The following TMEM114 variants were observed in gnomAD, a reference collection of about 807,000 sequenced individuals.
TMEM114 encodes the protein claudin-26.
In TMEM114, 6 loss-of-function variants were observed where a neutral mutation model predicts 6.2. That is an observed-to-expected ratio of 0.97 (90% confidence interval 0.53 to 1.91). The LOEUF is 1.91. Among genes scored for constraint, TMEM114 ranks in the 40% most tolerant of loss-of-function variants. The pLI is 0.01. For missense variants in TMEM114, 218 were observed against 158.3 expected (o/e 1.38, Z -2.02); for synonymous variants, 104 against 73.0 (o/e 1.42, Z -2.16).
At chr16:8,560,372 G>C (rs1353338613) in intron 2 of TMEM114, among the ~76,000 whole-genome samples, 1 of 151,942 alleles carries the variant, frequency 6.6e-6, no homozygotes, top group Non-Finnish European at 1.5e-5. Flanking sequence ...AGCGAGGGTG[G>C]GCATCCTCTC....
intron 3 of TMEM114, 76 bp from the exon 4 acceptor site, chr16:8,570,081 CCAGCCACGCTGCT>C: frequency 6.7e-7 from 1 of 1,488,650 alleles, no homozygotes; most frequent in Non-Finnish European, 9.0e-7. Context: ...CTCGCCCTGC[CCAGCCACGCTGCT>C]CAGCGTCCAG....
chr16:8,539,638 C>A (rs562837236), intron 2 of TMEM114, among the ~76,000 whole-genome samples: 4 of 152,124 alleles, frequency 2.6e-5, no homozygotes, highest in African/African-American at 7.2e-5. Flanking sequence ...AAGCACTCTG[C>A]GTGCAACTGG....
intron 2 of TMEM114, among the ~76,000 whole-genome samples, chr16:8,564,145 GTGAA>G (rs1372837334): frequency 1.3e-5 from 2 of 150,664 alleles, no homozygotes; most frequent in African/African-American, 5.0e-5. Flanking sequence ...GAATGAGTGA[GTGAA>G]TGAGTTAGTG....
intron 2 of TMEM114, among the ~76,000 whole-genome samples, chr16:8,564,343 GAGAGAATGAGTC>G (rs1901439480): frequency 7.2e-6 from 1 of 139,688 alleles, no homozygotes; most frequent in Admixed American, 7.3e-5. Context: ...ATGAGTCAGT[GAGAGAATGAGTC>G]AGTGAGTGAA....
the TMEM114 span, among the ~76,000 whole-genome samples, chr16:8,530,784 G>C: frequency 2.0e-5 from 3 of 152,102 alleles, no homozygotes; most frequent in Admixed American, 1.3e-4. Context: ...AGCACTTTGG[G>C]AGGCCGAGTC....
intron 2 of TMEM114, among the ~76,000 whole-genome samples, chr16:8,573,529 T>C (rs1485814897): frequency 6.6e-6 from 1 of 152,138 alleles, no homozygotes; most frequent in Non-Finnish European, 1.5e-5. Context: ...ACTATTTGAC[T>C]CTGAGCTTCC....
chr16:8,527,415 T>C, the TMEM114 span, among the ~76,000 whole-genome samples: 1 of 152,162 alleles, frequency 6.6e-6, no homozygotes. Flanking sequence ...AGGCTCACTG[T>C]TTATCTGAAC....
chr16:8,587,326 C>A (rs915027933), intron 2 of TMEM114, among the ~76,000 whole-genome samples: 6 of 152,138 alleles, frequency 3.9e-5, no homozygotes, highest in African/African-American at 4.8e-5. Context: ...TACTATGTGC[C>A]AGGTTCTATG....
intron 2 of TMEM114, among the ~76,000 whole-genome samples, chr16:8,563,075 A>AGTGAGGGAGGGAGGGAATGAGTG (rs1901335298): frequency 2.1e-5 from 1 of 47,260 alleles, no homozygotes; most frequent in African/African-American, 8.4e-5. Context: ...GTGAATGAGT[A>AGTGAGGGAGGGAGGGAATGAGTG]AGTGAATGAG....
In TMEM114 at chr16:8,538,020, T is replaced by C. The variant is rs188974805; in HGVS notation, n.213-194A>G. 2.6e-3 allele frequency among the ~76,000 whole-genome samples: 386 copies of C among 149,194 alleles called. 2 individuals are homozygous for C. The highest frequency in any genetic ancestry group is 9.0e-3 in the African/African-American group (364 of 40,594). On this transcript the variant is annotated intron_variant and non_coding_transcript_variant, in intron 2 of 2. Coordinates refer to the TMEM114 transcript ENST00000623677. ...TATTTAAACATTTTTGCCCTGAGACTGGGCGCCGTGACTTACACCTGTAAT... is the reference window on the plus strand; with the variant it reads ...TATTTAAACATTTTTGCCCTGAGACCGGGCGCCGTGACTTACACCTGTAAT...
At chr16:8,535,069 A>G (rs925262521), downstream of TMEM114, among the ~76,000 whole-genome samples, 4 of 152,038 alleles carry the variant, frequency 2.6e-5, no homozygotes, top group African/African-American at 9.7e-5. Flanking sequence ...GTGGTGGTGG[A>G]GGGGTGTGAG....
At chr16:8,529,445 T>C in the TMEM114 span, among the ~76,000 whole-genome samples, 1 of 152,180 alleles carries the variant, frequency 6.6e-6, no homozygotes, top group Non-Finnish European at 1.5e-5. Flanking sequence ...GGGACATTTG[T>C]TGAAGAGAAT....
intron 2 of TMEM114, among the ~76,000 whole-genome samples, chr16:8,583,353 G>C (rs1039775886): frequency 6.6e-6 from 1 of 152,188 alleles, no homozygotes; most frequent in African/African-American, 2.4e-5. Context: ...CAATAAGTGA[G>C]CTCCTACTGT....
chr16:8,555,414 A>G (rs975177029), intron 2 of TMEM114, among the ~76,000 whole-genome samples: 4 of 152,190 alleles, frequency 2.6e-5, no homozygotes, highest in Admixed American at 2.0e-4. Flanking sequence ...ACTTTTAATG[A>G]TATACTAATT....
rs1368769552 is a variant in TMEM114, at chr16:8,569,881, G to A, written c.564C>T (p.Ser188=). 5 of 1,551,086 alleles carry A rather than the reference G, an allele frequency of 3.2e-6. No individual in the cohort carries two copies. Among genetic ancestry groups the A allele is most frequent in the African/African-American group, 1.4e-5 (1 of 73,058 alleles). ...LDQVDISFGW[S]LALGWISFIA... ...TGAAGCTGATCCAGCCCAGGGCCAG[G>A]GACCAGCCGAAGCTGATGTCCACCT... The change falls in exon 4 of 4, where the codon TCC becomes TCT. Residue 188 remains serine, a synonymous_variant. Coordinates refer to ENST00000620492, the MANE Select transcript of TMEM114 (RefSeq NM_001146336.2).
chr16:8,589,729 G>C lies in TMEM114; in HGVS notation c.110C>G (p.Thr37Ser), dbSNP rs1160209573. 1.3e-5 allele frequency: 5 copies of C among 398,426 alleles called. No homozygotes were observed. The Admixed American group carries it at 1.8e-4, about 14-fold the overall frequency. The allele number at this position is 398,426 out of a possible 1,614,324, so 24.7% of individuals were successfully genotyped here. ...IGTDFWYIID[T>S]ERLERTGPGA... ...CGGGCCAGTCCTCTCCAGCCGCTCGGTGTCAATGATATACCAGAAGTCCGT... is the reference window on the plus strand; with the variant it reads ...CGGGCCAGTCCTCTCCAGCCGCTCGCTGTCAATGATATACCAGAAGTCCGT... The change falls in exon 1 of 4, where the codon ACC (threonine) becomes AGC (serine). Residue 37 changes from threonine to serine, a missense_variant. Thr to Ser is a moderately conservative substitution (Grantham distance 58). Coordinates refer to ENST00000620492, the MANE Select transcript of TMEM114 (RefSeq NM_001146336.2).
At chr16:8,530,529 A>G in the TMEM114 span, among the ~76,000 whole-genome samples, 1 of 151,928 alleles carries the variant, frequency 6.6e-6, no homozygotes, top group African/African-American at 2.4e-5. Flanking sequence ...AAAGGAAAGA[A>G]GGAGACAGGG....
At chr16:8,561,600 A>G (rs1404240976) in intron 2 of TMEM114, among the ~76,000 whole-genome samples, 3 of 152,264 alleles carry the variant, frequency 2.0e-5, no homozygotes, top group Non-Finnish European at 4.4e-5. Context: ...TGAGTCGATG[A>G]GCATATGAAT....
rs71396281 is a variant in TMEM114 at position 8,574,606 on chromosome 16, T to TTTCTTTCTTTC, written c.302-2383_302-2382insGAAAGAAAGAA. Among the ~76,000 whole-genome samples, 1,335 of 151,216 alleles carry TTTCTTTCTTTC rather than the reference T, an allele frequency of 8.8e-3. 10 individuals carry two copies. Among genetic ancestry groups the TTTCTTTCTTTC allele is most frequent in the African/African-American group, 0.015 (629 of 41,054 alleles). ...CCTTCTTTCTTTCTTTCTTTCTTTC[T>TTTCTTTCTTTC]TTTTCAGGGAAAAGTCTTGGGCAGG... is the stretch of plus-strand genomic sequence containing the variant. On this transcript the variant is annotated intron_variant, in intron 2 of 3. Coordinates refer to ENST00000620492, the MANE Select transcript of TMEM114 (RefSeq NM_001146336.2).
Sources: allele counts gnomAD v4.1 joint callset (sites outside exome capture counted in the v4.1 genomes callset), GRCh38; gene constraint gnomAD v4.1.1; transcripts MANE v1.5; gene names NCBI Gene and HGNC (gene_info 2026-07-23, HGNC 2026-07-21).